The following PRDM16 variants were observed in gnomAD, a reference collection of about 807,000 sequenced individuals.
PRDM16 encodes the protein PR/SET domain 16.
Under a neutral mutation model 110.6 loss-of-function variants are expected in PRDM16, and 23 were observed. The observed-to-expected ratio is 0.21, with a 90% confidence interval of 0.15 to 0.29. PRDM16 has a LOEUF of 0.29. Ranked by LOEUF, PRDM16 falls within the 10% of genes least tolerant of loss-of-function variation. The pLI is 1.00. For missense variants in PRDM16, 1,615 were observed against 1,794.3 expected, an observed-to-expected ratio of 0.90 and a Z score of 1.81; for synonymous variants, 799 against 781.8, an observed-to-expected ratio of 1.02 and a Z score of -0.37.
chr1:3,169,118 G>A (rs1643995339), intron 1 of PRDM16, among the ~76,000 whole-genome samples: 1 of 152,168 alleles, frequency 6.6e-6, no homozygotes. Context: ...TGTGACAAGT[G>A]TGGTGTGTGG....
chr1:3,259,077 AGAAG>A (rs1382104107), intron 3 of PRDM16, among the ~76,000 whole-genome samples: 5 of 152,240 alleles, frequency 3.3e-5, no homozygotes, highest in African/African-American at 9.6e-5. Context: ...AAATTAGGCC[AGAAG>A]GAAGGCCTGG....
rs114941349 is a variant in PRDM16, at chr1:3,141,912, C to T, written c.38-44213C>T. Among the ~76,000 whole-genome samples the T allele has an allele frequency of 7.1e-3, 1,087 of 152,348 alleles. 12 individuals are homozygous for T. Among genetic ancestry groups the T allele is most frequent in the African/African-American group, 0.024 (1,008 of 41,584 alleles). On this transcript the variant is annotated intron_variant, in intron 1 of 16. Transcript: ENST00000270722. ...TCTGTGCGGAAGCATGTGCTGCCCA[C>T]GGTAGGGGATTTTTACCTTTTCTGG...
chr1:3,103,417 G>C (rs926731950), intron 1 of PRDM16, among the ~76,000 whole-genome samples: 2 of 152,184 alleles, frequency 1.3e-5, no homozygotes, highest in Non-Finnish European at 2.9e-5. Flanking sequence ...AGACCCTCTC[G>C]CCAAACGCAT....
At chr1:3,284,256 G>T (rs916945216) in intron 3 of PRDM16, among the ~76,000 whole-genome samples, 2 of 152,208 alleles carry the variant, frequency 1.3e-5, no homozygotes, top group Non-Finnish European at 2.9e-5. Flanking sequence ...CTGCCTTTTG[G>T]GAACCTTTAA....
At chr1:3,408,214 AG>A (rs1643593846) in intron 8 of PRDM16, among the ~76,000 whole-genome samples, 1 of 152,220 alleles carries the variant, frequency 6.6e-6, no homozygotes, top group African/African-American at 2.4e-5. Context: ...CCCATGGCAC[AG>A]GCAGATGGAA....
chr1:3,170,613 G>T (rs991203484), intron 1 of PRDM16, among the ~76,000 whole-genome samples: 1 of 152,212 alleles, frequency 6.6e-6, no homozygotes, highest in Non-Finnish European at 1.5e-5. Flanking sequence ...CTCAGCCTCC[G>T]CAGCTCCCCA....
intron 3 of PRDM16, among the ~76,000 whole-genome samples, chr1:3,360,088 C>T (rs180986382): frequency 3.4e-5 from 5 of 145,150 alleles, no homozygotes; most frequent in African/African-American, 8.6e-5. Context: ...GTAAATGAAT[C>T]GAACACTTCT....
At chr1:3,199,344 C>T (rs1448534397) in intron 2 of PRDM16, among the ~76,000 whole-genome samples, 1 of 152,196 alleles carries the variant, frequency 6.6e-6, no homozygotes, top group Non-Finnish European at 1.5e-5. Context: ...AACAACGAGC[C>T]AGGCTGGAAA....
At chr1:3,072,699 G>A (rs1641795384) in intron 1 of PRDM16, among the ~76,000 whole-genome samples, 1 of 152,212 alleles carries the variant, frequency 6.6e-6, no homozygotes, top group Non-Finnish European at 1.5e-5. Context: ...CCTCCCCAGA[G>A]CCAGGACGGC....
At position 3,362,952 on chromosome 1, in the gene PRDM16, C is replaced by T. The variant is rs77566928; in HGVS notation, c.439-22200C>T. Among the ~76,000 whole-genome samples, 434 of 152,296 alleles carry T rather than the reference C, an allele frequency of 2.8e-3. 12 individuals are homozygous for T. The East Asian group carries it at 0.067, about 24-fold the overall frequency. ...CCCTCTTTCCAGCTCAGCGTGGTCT[C>T]GGGATTTGAAGACACCACAGCGTGC... On this transcript the variant is annotated intron_variant, in intron 3 of 16. Coordinates refer to ENST00000270722, the MANE Select transcript of PRDM16 (RefSeq NM_022114.4).
At chr1:3,072,843 T>C (rs547983958) in intron 1 of PRDM16, among the ~76,000 whole-genome samples, 1 of 152,354 alleles carries the variant, frequency 6.6e-6, no homozygotes, top group African/African-American at 2.4e-5. Context: ...CGCCAGGGCT[T>C]GGTGCCCCAC....
intron 3 of PRDM16, among the ~76,000 whole-genome samples, chr1:3,317,758 G>A (rs749069481): frequency 7.2e-5 from 11 of 152,226 alleles, no homozygotes; most frequent in Non-Finnish European, 4.4e-5. Flanking sequence ...CACCACCAGC[G>A]CCGTGAGGAT....
At chr1:3,285,254 G>T (rs547605560) in intron 3 of PRDM16, among the ~76,000 whole-genome samples, 12 of 152,158 alleles carry the variant, frequency 7.9e-5, no homozygotes, top group Non-Finnish European at 1.3e-4. Context: ...CCCCAGCCCC[G>T]TGGAGGCCCC....
chr1:3,111,745 T>A (rs1351818626), intron 1 of PRDM16, among the ~76,000 whole-genome samples: 1 of 152,136 alleles, frequency 6.6e-6, no homozygotes, highest in Non-Finnish European at 1.5e-5. Flanking sequence ...AGGCCTAATC[T>A]TTTTTTCTTC....
chr1:3,128,441 G>A (rs927174059), intron 1 of PRDM16, among the ~76,000 whole-genome samples: 2 of 152,126 alleles, frequency 1.3e-5, no homozygotes, highest in East Asian at 3.9e-4. Flanking sequence ...TTTGGGAAAC[G>A]CAGGTCACAG....
intron 1 of PRDM16, among the ~76,000 whole-genome samples, chr1:3,103,416 C>T (rs1358887152): frequency 1.3e-5 from 2 of 152,240 alleles, no homozygotes; most frequent in Non-Finnish European, 2.9e-5. Context: ...GAGACCCTCT[C>T]GCCAAACGCA....
intron 1 of PRDM16, among the ~76,000 whole-genome samples, chr1:3,111,156 C>T (rs1404993622): frequency 6.6e-6 from 1 of 152,160 alleles, no homozygotes; most frequent in African/African-American, 2.4e-5. Flanking sequence ...ACCCTGTCCA[C>T]ACCTGGCCTT....
intron 1 of PRDM16, among the ~76,000 whole-genome samples, chr1:3,172,546 CA>C (rs1363112739): frequency 6.6e-6 from 1 of 152,214 alleles, no homozygotes; most frequent in Non-Finnish European, 1.5e-5. Flanking sequence ...GTGGACACAC[CA>C]CAGTGTCCAT....
intron 1 of PRDM16, among the ~76,000 whole-genome samples, chr1:3,083,901 A>G (rs760567): frequency 0.9 from 136,445 of 152,292 alleles, 61,376 homozygotes; most frequent in East Asian, 0.98. Flanking sequence ...CACGCATGGA[A>G]CACGTGGTTG....
Sources: gnomAD v4.1 joint callset for allele counts (sites outside exome capture counted in the v4.1 genomes callset) on GRCh38, gnomAD v4.1.1 for gene constraint, MANE v1.5 for transcripts, NCBI Gene and HGNC (gene_info 2026-07-23, HGNC 2026-07-21) for gene names.